The following BACH2 variants were observed in gnomAD, a reference collection of about 807,000 sequenced individuals.
BACH2 encodes the protein transcription regulator protein BACH2.
In BACH2, 5 loss-of-function variants were observed where a neutral mutation model predicts 61.8. The ratio of observed to expected loss-of-function variants is 0.08; its 90% CI spans 0.04 to 0.17. The LOEUF is 0.17. BACH2 is among the 10% of genes least tolerant of loss of function. The pLI is 1.00. For synonymous variants in BACH2, 446 were observed against 440.1 expected (o/e 1.01, Z -0.17); for missense variants, 824 against 1,091.1 (o/e 0.76, Z 3.45).
chr6:90,183,420 T>C (rs1439108207), intron 4 of BACH2, among the ~76,000 whole-genome samples: 1 of 152,222 alleles, frequency 6.6e-6, no homozygotes, highest in African/African-American at 2.4e-5. Context: ...AGAAGTGTGA[T>C]CTGTGAAATT....
intron 4 of BACH2, among the ~76,000 whole-genome samples, chr6:90,140,561 G>T (rs1348730496): frequency 1.3e-5 from 2 of 152,118 alleles, no homozygotes; most frequent in African/African-American, 4.8e-5. Flanking sequence ...TATACCACAT[G>T]GTACTACAGA....
At chr6:90,130,480 T>C (rs1784041815) in intron 4 of BACH2, among the ~76,000 whole-genome samples, 1 of 152,160 alleles carries the variant, frequency 6.6e-6, no homozygotes, top group Non-Finnish European at 1.5e-5. Flanking sequence ...TTCAGTAGAG[T>C]ATGACCCTGA....
intron 5 of BACH2, among the ~76,000 whole-genome samples, chr6:90,071,801 GTATGT>G (rs1781239284): frequency 6.6e-6 from 1 of 152,206 alleles, no homozygotes; most frequent in African/African-American, 2.4e-5. Context: ...CACATATTTT[GTATGT>G]TATATGTATT....
chr6:90,284,703 A>G (rs957355364), intron 1 of BACH2, among the ~76,000 whole-genome samples: 1 of 152,294 alleles, frequency 6.6e-6, no homozygotes, highest in African/African-American at 2.4e-5. Context: ...CCTACAAAAA[A>G]CAACTTTATA....
rs1771425324 is a variant in BACH2, at chr6:90,268,717, A to AATT, written c.-353+3129_-353+3131dup. ...ACAAAACTGGTCCTTCACCCAAGATAATTAGAGAAGCAAAACTCTAAACAA... is the reference window on the plus strand; with the variant it reads ...ACAAAACTGGTCCTTCACCCAAGATAATTATTAGAGAAGCAAAACTCTAAACAA... On this transcript the variant is annotated intron_variant, in intron 2 of 8. Coordinates refer to ENST00000257749, the MANE Select transcript of BACH2 (RefSeq NM_021813.4). Among the ~76,000 whole-genome samples the AATT allele has an allele frequency of 2.6e-5, 4 of 152,332 alleles. No homozygotes were observed. The South Asian group carries it at 8.3e-4, about 32-fold the overall frequency.
At chr6:90,063,019 A>G (rs1305169808) in intron 5 of BACH2, 4 of 677,116 alleles carry the variant, frequency 5.9e-6, no homozygotes, top group Non-Finnish European at 5.5e-6. Context: ...AAGAGTTTTT[A>G]GTGTACCTAT....
intron 4 of BACH2, among the ~76,000 whole-genome samples, chr6:90,190,997 G>C (rs1017675724): frequency 2.0e-5 from 3 of 152,206 alleles, no homozygotes; most frequent in Admixed American, 6.5e-5. Context: ...CTATCATTTT[G>C]CTAGGAAAGG....
intron 2 of BACH2, among the ~76,000 whole-genome samples, chr6:90,256,524 CCTA>C (rs1039282192): frequency 9.2e-5 from 14 of 152,262 alleles, no homozygotes; most frequent in African/African-American, 3.4e-4. Context: ...GAAAATGTCA[CCTA>C]CCATTCATCA....
intron 1 of BACH2, among the ~76,000 whole-genome samples, chr6:90,295,455 T>C (rs1772314600): frequency 6.6e-6 from 1 of 151,814 alleles, no homozygotes; most frequent in African/African-American, 2.4e-5. Context: ...CTCCAGTCTC[T>C]CCCCTCGTGG....
At chr6:90,110,829 C>T (rs1311006754) in intron 4 of BACH2, among the ~76,000 whole-genome samples, 1 of 152,138 alleles carries the variant, frequency 6.6e-6, no homozygotes, top group African/African-American at 2.4e-5. Flanking sequence ...ACGGGTTTTT[C>T]CTGGAGATAA....
chr6:90,273,003 T>C (rs1771576274), intron 1 of BACH2, among the ~76,000 whole-genome samples: 1 of 152,130 alleles, frequency 6.6e-6, no homozygotes, highest in Non-Finnish European at 1.5e-5. Flanking sequence ...AGGCTCTGGA[T>C]CCTGGTGGCC....
At chr6:89,999,432 T>C (rs1009151797) in intron 6 of BACH2, among the ~76,000 whole-genome samples, 14 of 150,772 alleles carry the variant, frequency 9.3e-5, no homozygotes, top group African/African-American at 3.4e-4. Context: ...ACAGCCATGA[T>C]GTCTCTTTGT....
chr6:89,952,922 C>T (rs925798701), intron 6 of BACH2: 4 of 152,204 alleles, frequency 2.6e-5, no homozygotes, highest in African/African-American at 9.7e-5. Context: ...AGCTTCCTTA[C>T]CCTGCACATA....
chr6:90,020,486 G>T (rs1426040889), intron 5 of BACH2, among the ~76,000 whole-genome samples: 1 of 152,022 alleles, frequency 6.6e-6, no homozygotes, highest in African/African-American at 2.4e-5. Context: ...GTGATGCCCT[G>T]TGCCACCTTG....
intron 5 of BACH2, among the ~76,000 whole-genome samples, chr6:90,016,847 C>T (rs1195677227): frequency 6.6e-6 from 1 of 150,722 alleles, no homozygotes. Context: ...AATTGTCATT[C>T]CACTGTCTTT....
At chr6:89,983,950 A>T (rs899520073) in intron 6 of BACH2, among the ~76,000 whole-genome samples, 1 of 152,250 alleles carries the variant, frequency 6.6e-6, no homozygotes, top group Non-Finnish European at 1.5e-5. Context: ...CCGTTGCAAC[A>T]ACCTGGCTGT....
At chr6:90,045,686 A>G (rs1779743826) in intron 5 of BACH2, among the ~76,000 whole-genome samples, 1 of 152,198 alleles carries the variant, frequency 6.6e-6, no homozygotes, top group Non-Finnish European at 1.5e-5. Flanking sequence ...CATATTACCA[A>G]TACCAAAAAC....
chr6:89,972,609 TGGA>T (rs1175743180), intron 6 of BACH2, among the ~76,000 whole-genome samples: 1 of 152,112 alleles, frequency 6.6e-6, no homozygotes, highest in Non-Finnish European at 1.5e-5. Context: ...TCATAAATTT[TGGA>T]GGAGGATAGG....
intron 5 of BACH2, among the ~76,000 whole-genome samples, chr6:90,014,207 TA>T (rs1777889929): frequency 6.6e-6 from 1 of 151,878 alleles, no homozygotes; most frequent in South Asian, 2.1e-4. Context: ...GGCCTGGTTT[TA>T]GCATCAGGGT....
Sources: gnomAD v4.1 joint callset for allele counts (sites outside exome capture counted in the v4.1 genomes callset) on GRCh38, gnomAD v4.1.1 for gene constraint, MANE v1.5 for transcripts, NCBI Gene and HGNC (gene_info 2026-07-23, HGNC 2026-07-21) for gene names.